The following SPTBN1 variants were observed in gnomAD, a reference collection of about 807,000 sequenced individuals.
SPTBN1 encodes the protein spectrin beta, non-erythrocytic 1.
SPTBN1 carries 32 observed loss-of-function variants against 266.4 expected under a neutral mutation model. That is an observed-to-expected ratio of 0.12 (90% CI 0.09 to 0.16). The LOEUF (loss-of-function observed/expected upper bound fraction) is 0.16. Among genes scored for constraint, SPTBN1 ranks in the 10% least tolerant of loss-of-function variants. The probability of loss-of-function intolerance (pLI) is 1.00; values close to 1 mark genes in which losing one functional copy is unlikely to be tolerated. For missense variants in SPTBN1, 2,296 were observed against 3,067.1 expected (o/e 0.75, Z 5.94); for synonymous variants, 1,336 against 1,162.2 (o/e 1.15, Z -3.04).
Position 54,628,223 on chromosome 2 carries a change from G to A in SPTBN1, c.1771G>A (p.Ala591Thr), listed in dbSNP as rs369418271. ...GCGGGTGAGAGGTGTCAATGCCTCCGCCCAGAAGTTCGCAACAGACGGGGA... is the reference window on the plus strand; with the variant it reads ...GCGGGTGAGAGGTGTCAATGCCTCCACCCAGAAGTTCGCAACAGACGGGGA... ...AERVRGVNAS[A>T]QKFATDGEGY... The change falls in exon 13 of 36, where the codon GCC (alanine) becomes ACC (threonine). Residue 591 changes from alanine to threonine, a missense_variant. Ala to Thr is a moderately conservative substitution (Grantham distance 58). This residue lies in a region of SPTBN1 where 434 missense variants were observed against 573.9 expected (regional missense o/e 0.76). Coordinates refer to ENST00000356805, the MANE Select transcript of SPTBN1 (RefSeq NM_003128.3). This position sits in a 1 kb window ranked among gnomAD's most constrained non-coding sequence, Gnocchi z 4.3. The A allele has an allele frequency of 1.9e-5, 30 of 1,613,334 alleles. No individual in the cohort carries two copies. Among genetic ancestry groups the A allele is most frequent in the African/African-American group, 1.1e-4 (8 of 74,846 alleles).
chr2:54,472,152 T>C (rs1010799693), intron 1 of SPTBN1, among the ~76,000 whole-genome samples: 2 of 149,160 alleles, frequency 1.3e-5, no homozygotes, highest in East Asian at 2.0e-4. Flanking sequence ...CTCAGCCTCC[T>C]GAGTAGCTGG....
intron 3 of SPTBN1, among the ~76,000 whole-genome samples, chr2:54,607,702 G>C (rs4557016): frequency 6.6e-6 from 1 of 151,962 alleles, no homozygotes; most frequent in Admixed American, 6.5e-5. Context: ...TTATATAAGC[G>C]ACTTGAGCAT....
At chr2:54,529,752 A>C in intron 2 of SPTBN1, 1 of 632,596 alleles carries the variant, frequency 1.6e-6, no homozygotes, top group Non-Finnish European at 3.0e-6. Context: ...CATATGTTCC[A>C]CTGGCTCCTG....
At chr2:54,576,972 G>C (rs1674528643) in intron 2 of SPTBN1, among the ~76,000 whole-genome samples, 1 of 152,174 alleles carries the variant, frequency 6.6e-6, no homozygotes, top group African/African-American at 2.4e-5. Context: ...TGGGTGCTTG[G>C]GGGTAGGGGT....
intron 2 of SPTBN1, among the ~76,000 whole-genome samples, chr2:54,584,574 C>A (rs1675158828): frequency 6.6e-6 from 1 of 152,036 alleles, no homozygotes; most frequent in Non-Finnish European, 1.5e-5. Flanking sequence ...GTTTATTTTC[C>A]CCTACTTCCA....
At chr2:54,639,204 A>G (rs1399162688) in intron 18 of SPTBN1, among the ~76,000 whole-genome samples, 1 of 152,224 alleles carries the variant, frequency 6.6e-6, no homozygotes, top group Non-Finnish European at 1.5e-5. Context: ...GAAGAGAGTA[A>G]TGGGATCTAA....
At chr2:54,476,572 A>T (rs373200246) in intron 1 of SPTBN1, among the ~76,000 whole-genome samples, 1 of 152,214 alleles carries the variant, frequency 6.6e-6, no homozygotes, top group East Asian at 1.9e-4. Context: ...GGAGGTGGAG[A>T]GTAACATACG....
At chr2:54,535,336 C>T (rs970306108) in intron 2 of SPTBN1, among the ~76,000 whole-genome samples, 6 of 152,142 alleles carry the variant, frequency 3.9e-5, no homozygotes, top group African/African-American at 1.4e-4. Flanking sequence ...TGACAATTAC[C>T]ACTAATTCCA....
chr2:54,483,384 C>T (rs1039223600), intron 1 of SPTBN1, among the ~76,000 whole-genome samples: 2 of 152,212 alleles, frequency 1.3e-5, no homozygotes, highest in East Asian at 3.9e-4. Context: ...CACGGAAAAG[C>T]GAGGGGTTAG....
intron 2 of SPTBN1, among the ~76,000 whole-genome samples, chr2:54,561,430 G>A (rs1315041055): frequency 1.1e-5 from 1 of 87,754 alleles, no homozygotes; most frequent in African/African-American, 6.1e-5. Context: ...TACCTTGCCA[G>A]TCCTGTACTG....
At chr2:54,647,101 T>C in intron 23 of SPTBN1, 30 bp from the exon 24 acceptor site, 2 of 1,613,978 alleles carry the variant, frequency 1.2e-6, no homozygotes, top group East Asian at 2.2e-5. Flanking sequence ...AGGGGACCGC[T>C]ATGGTTGTGA....
intron 10 of SPTBN1, 23 bp downstream of exon 10, chr2:54,623,619 A>C (rs368891062): frequency 8.8e-6 from 14 of 1,591,360 alleles, no homozygotes; most frequent in Non-Finnish European, 1.1e-5. Flanking sequence ...TGGACTCTGC[A>C]TGGGCCCTGA....
At chr2:54,633,993 T>A (rs1388553624) in intron 17 of SPTBN1, among the ~76,000 whole-genome samples, 1 of 152,132 alleles carries the variant, frequency 6.6e-6, no homozygotes. Context: ...AAAAGAAAAA[T>A]AAATCCACCA....
chr2:54,474,053 G>C (rs1300442361), intron 1 of SPTBN1, among the ~76,000 whole-genome samples: 1 of 152,184 alleles, frequency 6.6e-6, no homozygotes, highest in African/African-American at 2.4e-5. Context: ...ATGGCAGCAG[G>C]GTGGACAGGT....
At chr2:54,495,235 A>G (rs1668902967) in intron 1 of SPTBN1, among the ~76,000 whole-genome samples, 1 of 152,168 alleles carries the variant, frequency 6.6e-6, no homozygotes, top group Non-Finnish European at 1.5e-5. Context: ...TTGTTTTGAA[A>G]GCGTTGTACA....
chr2:54,546,491 G>A (rs1672244309), intron 2 of SPTBN1: 1 of 152,162 alleles, frequency 6.6e-6, no homozygotes, highest in Admixed American at 6.5e-5. Flanking sequence ...ATGATGCATT[G>A]CTACTATTTC....
chr2:54,584,383 C>A (rs532076617), intron 2 of SPTBN1, among the ~76,000 whole-genome samples: 1 of 152,128 alleles, frequency 6.6e-6, no homozygotes, highest in Non-Finnish European at 1.5e-5. Context: ...CGTTTTCTTG[C>A]ACAAATATTT....
chr2:54,653,335 C>T lies in SPTBN1; in HGVS notation c.5578-274C>T, dbSNP rs1243795367. On this transcript the variant is annotated intron_variant, in intron 26 of 35. Coordinates refer to ENST00000356805, the MANE Select transcript of SPTBN1 (RefSeq NM_003128.3). The surrounding 1 kb of genome is among the most constrained non-coding windows in gnomAD (Gnocchi z 5.1). ...GATATCCCAGGCTGCCTCCAGGGGA[C>T]TTTCCCTGACTAAACTCTCCTGCCT... The T allele has an allele frequency of 7.6e-6, 3 of 395,120 alleles. No individual in the cohort carries two copies. The highest frequency in any genetic ancestry group is 1.3e-5 in the Non-Finnish European group (3 of 227,622). The allele number at this position is 395,120 out of a possible 1,614,324, so 24.5% of individuals were successfully genotyped here.
chr2:54,599,044 C>T (rs367868373), intron 2 of SPTBN1, 48 bp from the exon 3 acceptor site: 3 of 1,599,644 alleles, frequency 1.9e-6, no homozygotes, highest in Non-Finnish European at 2.6e-6. Flanking sequence ...GTGCCTGCTC[C>T]TGCCAGTTCT....
Sources: gnomAD v4.1 joint callset for allele counts (sites outside exome capture counted in the v4.1 genomes callset) on GRCh38, gnomAD v4.1.1 for gene constraint, gnomAD v4.1.1 regional missense constraint, Gnocchi (gnomAD v3.1) non-coding constraint, MANE v1.5 for transcripts, NCBI Gene and HGNC (gene_info 2026-07-23, HGNC 2026-07-21) for gene names.